The following STAU1 variants were observed in gnomAD, a reference collection of about 807,000 sequenced individuals.
The protein encoded by STAU1 is double-stranded RNA-binding protein Staufen homolog 1.
In STAU1, 13 loss-of-function variants were observed where a neutral mutation model predicts 62.9. That is an observed-to-expected ratio of 0.21 (90% CI 0.13 to 0.33). The LOEUF (loss-of-function observed/expected upper bound fraction) is 0.33. Among genes scored for constraint, STAU1 ranks in the 10% least tolerant of loss-of-function variants. The pLI, the probability that STAU1 is intolerant of heterozygous loss-of-function variation, is 1.00. For missense variants in STAU1, 571 were observed against 712.1 expected (o/e 0.80, Z 2.25); for synonymous variants, 269 against 265.1 (o/e 1.01, Z -0.14).
chr20:49,167,203 T>TAAA (rs2093538399), intron 2 of STAU1, among the ~76,000 whole-genome samples: 1 of 150,852 alleles, frequency 6.6e-6, no homozygotes, highest in African/African-American at 2.4e-5. Flanking sequence ...AAAATGTTTT[T>TAAA]AATGAGTCAA....
chr20:49,141,879 G>A (rs561069464), intron 5 of STAU1, among the ~76,000 whole-genome samples: 4 of 152,132 alleles, frequency 2.6e-5, no homozygotes, highest in African/African-American at 9.6e-5. Context: ...ATATAATTTG[G>A]TGTTTTTGAA....
At chr20:49,125,534 GAAAAAAA>G (rs527934630) in intron 6 of STAU1, among the ~76,000 whole-genome samples, 1 of 76,372 alleles carries the variant, frequency 1.3e-5, no homozygotes, top group Non-Finnish European at 2.5e-5. Flanking sequence ...TGTCTCAAAG[GAAAAAAA>G]AAAAAAAAAA....
At position 49,117,276 on chromosome 20, in the gene STAU1, G is replaced by A. The variant is rs1397187815; in HGVS notation, c.1510-28C>T. The A allele has an allele frequency of 6.2e-7, 1 of 1,612,750 alleles. No homozygotes were observed. The highest frequency in any genetic ancestry group is 8.5e-7 in the Non-Finnish European group (1 of 1,179,198). On this transcript the variant is annotated intron_variant, in intron 11 of 13. Transcript: ENST00000371856. This position sits in a 1 kb window ranked among gnomAD's most constrained non-coding sequence, Gnocchi z 4.6. The stretch of plus-strand genomic sequence containing the variant: ...AAGGGGGAAAAGAGAGCTGAGGCTA[G>A]GTAGGGAACAGCAAGTATGAGTGGG...
chr20:49,118,241 G>C, intron 10 of STAU1, 92 bp downstream of exon 10: 8 of 1,386,314 alleles, frequency 5.8e-6, no homozygotes, highest in Non-Finnish European at 8.1e-6. Flanking sequence ...TTTGCATGCG[G>C]GACCTCACTG....
At position 49,166,083 on chromosome 20, in the gene STAU1, C is replaced by CTAG; in HGVS notation, c.116_118dup (p.Thr39dup). 6.2e-7 allele frequency: 1 copy of CTAG among 1,614,172 alleles called. No individual in the cohort carries two copies. Among genetic ancestry groups the CTAG allele is most frequent in the Non-Finnish European group, 8.5e-7 (1 of 1,180,026 alleles). ...ACCTGCATTTTCAGAGGGCAGAGAG[C>CTAG]TAGTAGTAGAAGGAATACTCATCAA... On this transcript the variant is annotated inframe_insertion, in exon 3 of 14. Transcript: ENST00000371856.
intron 6 of STAU1, among the ~76,000 whole-genome samples, chr20:49,126,387 C>T (rs1287986039): frequency 2.0e-5 from 3 of 151,242 alleles, no homozygotes; most frequent in South Asian, 2.1e-4. Flanking sequence ...TACAGCAAGA[C>T]CTTGACTCTA....
At chr20:49,170,382 A>G (rs2093581934) in intron 2 of STAU1, among the ~76,000 whole-genome samples, 1 of 152,146 alleles carries the variant, frequency 6.6e-6, no homozygotes, top group Admixed American at 6.5e-5. Context: ...AGACAGTCTC[A>G]CTCTGTCGTC....
intron 2 of STAU1, among the ~76,000 whole-genome samples, chr20:49,170,839 C>T (rs935562238): frequency 6.6e-6 from 1 of 151,648 alleles, no homozygotes; most frequent in African/African-American, 2.4e-5. Context: ...GAGAAGCCTC[C>T]TTTTCAGATC....
chr20:49,129,223 A>G (rs924527801), intron 6 of STAU1, among the ~76,000 whole-genome samples: 1 of 151,868 alleles, frequency 6.6e-6, no homozygotes, highest in African/African-American at 2.4e-5. Context: ...GGAGATATAT[A>G]AATTAAAACC....
intron 2 of STAU1, among the ~76,000 whole-genome samples, chr20:49,170,291 T>C (rs757782850): frequency 1.3e-5 from 2 of 152,238 alleles, no homozygotes; most frequent in Admixed American, 6.5e-5. Context: ...TGGTTAGTCT[T>C]ATCCACTTTC....
chr20:49,156,712 G>A (rs1353504801), intron 3 of STAU1, among the ~76,000 whole-genome samples: 3 of 152,192 alleles, frequency 2.0e-5, no homozygotes, highest in African/African-American at 7.2e-5. Flanking sequence ...CATGAAACCT[G>A]ACATTGACTG....
chr20:49,202,391 A>C, the STAU1 span, among the ~76,000 whole-genome samples: 10 of 149,710 alleles, frequency 6.7e-5, no homozygotes, highest in African/African-American at 2.5e-4. Context: ...GTAAAACTCG[A>C]TCTCTACTTA....
In STAU1 at chr20:49,125,198, C is replaced by CAA. The variant is rs1171534142; in HGVS notation, c.610-613_610-612dup. ...ACACACATTTATAAGCTCATTTTTGCAAAAAAAAAAAAAAAAAAAAAAAAA... is the reference window on the plus strand; with the variant it reads ...ACACACATTTATAAGCTCATTTTTGCAAAAAAAAAAAAAAAAAAAAAAAAAAA... On this transcript the variant is annotated intron_variant, in intron 6 of 13. Coordinates refer to ENST00000371856, the MANE Select transcript of STAU1 (RefSeq NM_017453.4). 3.6e-4 allele frequency among the ~76,000 whole-genome samples: 12 copies of CAA among 33,732 alleles called. 1 individual carries two copies. The highest frequency in any genetic ancestry group is 6.4e-4 in the African/African-American group (7 of 11,004). The allele number at this position is 33,732 out of a possible 152,430, so 22.1% of individuals were successfully genotyped here.
Position 49,117,962 on chromosome 20 carries a change from C to T in STAU1, c.1324G>A (p.Ala442Thr). 2.5e-6 allele frequency: 4 copies of T among 1,614,180 alleles called. No homozygotes were observed. The highest frequency in any genetic ancestry group is 2.5e-6 in the Non-Finnish European group (3 of 1,180,034). The change falls in exon 11 of 14, where the codon GCA becomes ACA. Residue 442 changes from alanine to threonine, a missense_variant. Coordinates refer to ENST00000371856, the MANE Select transcript of STAU1 (RefSeq NM_017453.4). The surrounding 1 kb of genome is among the most constrained non-coding windows in gnomAD (Gnocchi z 4.6). ...QGHHTKDFTR[A>T]APNPAKATVT... ...GTGGCCTTGGCAGGATTCGGAGCTG[C>T]CCTGGTAAAATCTTTGGTGTGATGT...
chr20:49,191,123 G>A (rs1409105339), upstream of STAU1, among the ~76,000 whole-genome samples: 19 of 151,824 alleles, frequency 1.3e-4, no homozygotes. Flanking sequence ...CACCTCCCGG[G>A]CTCAAGCAAT....
chr20:49,218,087 C>T, the STAU1 span, among the ~76,000 whole-genome samples: 1 of 150,622 alleles, frequency 6.6e-6, no homozygotes, highest in Non-Finnish European at 1.5e-5. Context: ...GTTGGTCAGG[C>T]TGGTTTTAAA....
chr20:49,203,964 A>C, the STAU1 span, among the ~76,000 whole-genome samples: 1 of 152,298 alleles, frequency 6.6e-6, no homozygotes, highest in East Asian at 1.9e-4. Flanking sequence ...ATAACAGGCA[A>C]GGGCCACCTC....
intron 1 of STAU1, among the ~76,000 whole-genome samples, chr20:49,175,985 G>A (rs560181633): frequency 6.6e-5 from 10 of 151,834 alleles, no homozygotes; most frequent in South Asian, 2.1e-4. Context: ...TAGTAGAGAC[G>A]GGGTTTCATC....
At chr20:49,119,620 G>A (rs967182327) in intron 9 of STAU1, among the ~76,000 whole-genome samples, 2 of 152,136 alleles carry the variant, frequency 1.3e-5, no homozygotes, top group Non-Finnish European at 2.9e-5. Flanking sequence ...AAGCCTAACA[G>A]TTATAAATCT....
Sources: allele counts gnomAD v4.1 joint callset (sites outside exome capture counted in the v4.1 genomes callset), GRCh38; gene constraint gnomAD v4.1.1; non-coding constraint Gnocchi (gnomAD v3.1); transcripts MANE v1.5; gene names NCBI Gene and HGNC (gene_info 2026-07-23, HGNC 2026-07-21).